Variants in CDK19 observed in about 807,000 individuals in gnomAD.
CDK19 encodes the protein cyclin-dependent kinase 19.
Under a neutral mutation model 68.3 loss-of-function variants are expected in CDK19, and 20 were observed. The observed-to-expected ratio is 0.29, with a 90% CI of 0.21 to 0.43. CDK19 has a LOEUF of 0.43. CDK19 is among the 20% of genes least tolerant of loss of function. CDK19 has a pLI of 1.00. For synonymous variants in CDK19, 221 were observed against 222.8 expected, an observed-to-expected ratio of 0.99 and a Z score of 0.07; for missense variants, 339 against 623.5, an observed-to-expected ratio of 0.54 and a Z score of 4.86.
intron 1 of CDK19, chr6:110,813,545 G>C (rs1336042894): frequency 6.6e-6 from 1 of 152,022 alleles, no homozygotes; most frequent in Non-Finnish European, 1.5e-5. Flanking sequence ...CACATTCCAT[G>C]ATAAGCATTC....
chr6:110,777,798 A>G (rs1780515113), intron 1 of CDK19, among the ~76,000 whole-genome samples: 2 of 152,262 alleles, frequency 1.3e-5, no homozygotes, highest in South Asian at 2.1e-4. Flanking sequence ...CATGTAACAG[A>G]ATATTAGCCA....
At chr6:110,784,939 T>G (rs923624202) in intron 1 of CDK19, among the ~76,000 whole-genome samples, 2 of 152,014 alleles carry the variant, frequency 1.3e-5, no homozygotes, top group Non-Finnish European at 2.9e-5. Flanking sequence ...CCACAAAAAG[T>G]TGATTAGAGG....
intron 2 of CDK19, among the ~76,000 whole-genome samples, chr6:110,742,437 T>C (rs901218759): frequency 2.6e-5 from 4 of 152,082 alleles, no homozygotes; most frequent in Admixed American, 2.0e-4. Flanking sequence ...CAGTGCACCC[T>C]GAAAAAGAAC....
At chr6:110,766,162 G>A (rs983726766) in intron 1 of CDK19, among the ~76,000 whole-genome samples, 1 of 152,168 alleles carries the variant, frequency 6.6e-6, no homozygotes, top group African/African-American at 2.4e-5. Flanking sequence ...GTTTATTGCA[G>A]CACTATTCAC....
chr6:110,768,608 T>C (rs1779752704), intron 1 of CDK19, among the ~76,000 whole-genome samples: 1 of 152,106 alleles, frequency 6.6e-6, no homozygotes, highest in African/African-American at 2.4e-5. Context: ...AAATGCATAT[T>C]ACAAAGTGCA....
At chr6:110,764,980 T>TAAATAAATAAATAAAA (rs1175053312) in intron 1 of CDK19, among the ~76,000 whole-genome samples, 12 of 149,822 alleles carry the variant, frequency 8.0e-5, no homozygotes, top group African/African-American at 2.7e-4. Flanking sequence ...AATAAATAAA[T>TAAATAAATAAATAAAA]AAAAATTTTA....
intron 2 of CDK19, among the ~76,000 whole-genome samples, chr6:110,731,597 G>A (rs760274410): frequency 2.6e-5 from 4 of 152,186 alleles, no homozygotes; most frequent in Non-Finnish European, 5.9e-5. Flanking sequence ...TTTACGGTAT[G>A]TGAATTGTAT....
At chr6:110,759,814 C>T (rs1415842202) in intron 1 of CDK19, among the ~76,000 whole-genome samples, 1 of 151,946 alleles carries the variant, frequency 6.6e-6, no homozygotes, top group African/African-American at 2.4e-5. Flanking sequence ...AACCTGACCT[C>T]GTTAAATGAT....
Position 110,806,116 on chromosome 6 carries a change from G to T in CDK19, c.128+8893C>A, listed in dbSNP as rs1446969045. On this transcript the variant is annotated intron_variant, in intron 1 of 12. Coordinates refer to ENST00000368911, the MANE Select transcript of CDK19 (RefSeq NM_015076.5). ...GCACTTTGGGAGGCCGAGGTGGGCA[G>T]ATCACCTGAGGTCAAGAGTTTGAGA... is the stretch of plus-strand genomic sequence containing the variant. Among the ~76,000 whole-genome samples, 5 of 152,132 alleles carry T rather than the reference G, an allele frequency of 3.3e-5. No individual in the cohort carries two copies. In the East Asian group the frequency reaches 9.6e-4, roughly 29 times the overall value.
rs1172697598 is a variant in CDK19, at chr6:110,621,184, G to C, written c.1297C>G (p.Gln433Glu). Reference protein sequence around the residue: ...LQHSQDSSLNQVPPNKKPRLG... With the variant: ...LQHSQDSSLNEVPPNKKPRLG... ...CGTGGCTTCTTGTTTGGAGGCACCT[G>C]GTTCAGGCTGGAGTCCTGGCTGTGC... The change falls in exon 12 of 13, where the codon CAG becomes GAG. Residue 433 changes from glutamine (Q) to glutamate (E), a missense_variant. This residue lies in a region of CDK19 where 155 missense variants were observed against 222.7 expected (regional missense o/e 0.70). Transcript: ENST00000368911. This position sits in a 1 kb window ranked among gnomAD's most constrained non-coding sequence, Gnocchi z 5.4. 6.2e-7 allele frequency: 1 copy of C among 1,613,984 alleles called. No homozygotes were observed. Among genetic ancestry groups the C allele is most frequent in the Non-Finnish European group, 8.5e-7 (1 of 1,180,036 alleles).
At chr6:110,767,358 C>G (rs1224022470) in intron 1 of CDK19, among the ~76,000 whole-genome samples, 2 of 151,472 alleles carry the variant, frequency 1.3e-5, no homozygotes, top group African/African-American at 4.8e-5. Context: ...TGGCTCAAGC[C>G]TGTAAACCCA....
intron 2 of CDK19, among the ~76,000 whole-genome samples, chr6:110,715,062 G>T (rs149639650): frequency 3.7e-4 from 56 of 151,988 alleles, no homozygotes; most frequent in African/African-American, 1.3e-3. Flanking sequence ...TCCCTTGCCC[G>T]GTTTTTAATG....
intron 2 of CDK19, among the ~76,000 whole-genome samples, chr6:110,685,016 T>C (rs1417105190): frequency 6.6e-6 from 1 of 152,094 alleles, no homozygotes; most frequent in Middle Eastern, 3.2e-3. Context: ...CTTGTGCCTG[T>C]AGTCCCAGCT....
At chr6:110,665,743 A>G (rs78689735) in intron 4 of CDK19, among the ~76,000 whole-genome samples, 1,881 of 152,202 alleles carry the variant, frequency 0.012, 27 homozygotes, top group African/African-American at 0.043. Context: ...CATGTACCCA[A>G]TAATCTTTTT....
rs746246229 is a variant in CDK19 at position 110,715,498 on chromosome 6, A to AT, written c.204+30627_204+30628insA. Among the ~76,000 whole-genome samples the AT allele has an allele frequency of 2.7e-3, 405 of 151,246 alleles. 3 individuals carry two copies. The highest frequency in any genetic ancestry group is 6.9e-3 in the East Asian group (31 of 4,504). On this transcript the variant is annotated intron_variant, in intron 2 of 12. Coordinates refer to ENST00000368911, the MANE Select transcript of CDK19 (RefSeq NM_015076.5). The stretch of plus-strand genomic sequence containing the variant: ...TTGTGTATTCAGTTCTTTGGCAGAA[A>AT]CTTTTTTTTTTGAGACTAGTCGCTC...
At chr6:110,717,531 A>G (rs980658975) in intron 2 of CDK19, among the ~76,000 whole-genome samples, 9 of 152,156 alleles carry the variant, frequency 5.9e-5, no homozygotes, top group African/African-American at 1.9e-4. Flanking sequence ...TCTTTTCAAG[A>G]CTGTCTCATT....
At chr6:110,731,093 GAAGAAAGAAAAGAA>G (rs367675414) in intron 2 of CDK19, among the ~76,000 whole-genome samples, 3 of 142,768 alleles carry the variant, frequency 2.1e-5, no homozygotes, top group African/African-American at 7.7e-5. Context: ...GAAAAGGAAG[GAAGAAAGAAAAGAA>G]AAGAAAGGAA....
At chr6:110,765,719 A>C (rs1260870109) in intron 1 of CDK19, among the ~76,000 whole-genome samples, 1 of 151,620 alleles carries the variant, frequency 6.6e-6, no homozygotes, top group East Asian at 1.9e-4. Flanking sequence ...GGAAGGGAAT[A>C]TTATATATAT....
intron 1 of CDK19, chr6:110,814,458 G>A: frequency 2.7e-6 from 1 of 364,184 alleles, no homozygotes; most frequent in Non-Finnish European, 5.3e-6. Flanking sequence ...CGGCCAGCCC[G>A]AAGGGCGGAG....
Sources: gnomAD v4.1 joint callset for allele counts (sites outside exome capture counted in the v4.1 genomes callset) on GRCh38, gnomAD v4.1.1 for gene constraint, gnomAD v4.1.1 regional missense constraint, Gnocchi (gnomAD v3.1) non-coding constraint, MANE v1.5 for transcripts, NCBI Gene and HGNC (gene_info 2026-07-23, HGNC 2026-07-21) for gene names.